Variants in TTC27 observed in about 807,000 individuals in gnomAD.
TTC27 encodes the protein tetratricopeptide repeat domain 27.
A neutral mutation model predicts 115.9 loss-of-function variants in TTC27; 79 were observed. The ratio of observed to expected loss-of-function variants is 0.68; its 90% CI spans 0.57 to 0.82. The LOEUF is 0.82. Ranked by LOEUF, TTC27 falls within the 40% of genes least tolerant of loss-of-function variation. The pLI is 0.00. For synonymous variants in TTC27, 401 were observed against 356.0 expected (o/e 1.13, Z -1.42); for missense variants, 1,054 against 993.1 (o/e 1.06, Z -0.82).
intron 5 of TTC27, among the ~76,000 whole-genome samples, chr2:32,663,657 T>C (rs995777112): frequency 5.3e-5 from 8 of 151,354 alleles, no homozygotes; most frequent in African/African-American, 1.5e-4. Flanking sequence ...TGTATGTATG[T>C]ATGTATGTAT....
At position 32,702,921 on chromosome 2, in the gene TTC27, G is replaced by GT. The variant is rs748765376; in HGVS notation, c.1233+2dup. 6 of 1,611,044 alleles carry GT rather than the reference G, an allele frequency of 3.7e-6. No homozygotes were observed. The highest frequency in any genetic ancestry group is 5.1e-6 in the Non-Finnish European group (6 of 1,177,344). On this transcript the variant is annotated splice_donor_variant, in intron 10 of 19. Transcript: ENST00000317907. LOFTEE classifies it high-confidence loss of function. ...GGAACGGGCAATGAGGCAGACACAGGTAAGAATTAATGTGGCAATTTGTGT... is the reference window on the plus strand; with the variant it reads ...GGAACGGGCAATGAGGCAGACACAGGTTAAGAATTAATGTGGCAATTTGTGT...
At chr2:32,653,311 AAC>A (rs1665198326) in intron 5 of TTC27, among the ~76,000 whole-genome samples, 2 of 152,108 alleles carry the variant, frequency 1.3e-5, no homozygotes, top group Non-Finnish European at 2.9e-5. Context: ...TGTTCAAAAA[AAC>A]AGTCTCCACG....
chr2:32,778,219 G>T (rs983035319), intron 14 of TTC27, among the ~76,000 whole-genome samples: 2 of 152,170 alleles, frequency 1.3e-5, no homozygotes, highest in African/African-American at 4.8e-5. Flanking sequence ...TTCACTGAAT[G>T]TATAGCAAAG....
intron 13 of TTC27, among the ~76,000 whole-genome samples, chr2:32,767,461 T>TTTG (rs1553317330): frequency 1.4e-5 from 2 of 140,408 alleles, no homozygotes; most frequent in Admixed American, 1.4e-4. Flanking sequence ...TTGTTTTTTT[T>TTTG]TTTTTTTTTG....
intron 5 of TTC27, among the ~76,000 whole-genome samples, chr2:32,662,871 G>C (rs1220263884): frequency 6.6e-6 from 1 of 151,918 alleles, no homozygotes; most frequent in African/African-American, 2.4e-5. Context: ...GTGATGTTAG[G>C]GTGTCGATTT....
intron 10 of TTC27, among the ~76,000 whole-genome samples, chr2:32,726,980 TCA>T (rs1369547093): frequency 1.3e-5 from 2 of 152,164 alleles, no homozygotes; most frequent in Non-Finnish European, 2.9e-5. Flanking sequence ...TGAGATTTAT[TCA>T]CAGTCACGAG....
intron 16 of TTC27, among the ~76,000 whole-genome samples, chr2:32,793,882 C>G (rs1186297324): frequency 6.6e-6 from 1 of 151,956 alleles, no homozygotes; most frequent in East Asian, 1.9e-4. Flanking sequence ...GAGACTAATA[C>G]ATTAAAAAAA....
At chr2:32,631,176 G>A (rs1373378376) in intron 2 of TTC27, among the ~76,000 whole-genome samples, 1 of 152,036 alleles carries the variant, frequency 6.6e-6, no homozygotes, top group African/African-American at 2.4e-5. Flanking sequence ...GGTGGCATGC[G>A]CCTGTAATCC....
At chr2:32,742,490 T>C (rs1262650172) in intron 12 of TTC27, among the ~76,000 whole-genome samples, 2 of 152,194 alleles carry the variant, frequency 1.3e-5, no homozygotes, top group Non-Finnish European at 2.9e-5. Flanking sequence ...GAAAAACAAT[T>C]AGTGAACATT....
At chr2:32,654,519 T>C (rs891058125) in intron 5 of TTC27, among the ~76,000 whole-genome samples, 1 of 152,068 alleles carries the variant, frequency 6.6e-6, no homozygotes, top group Non-Finnish European at 1.5e-5. Flanking sequence ...ATTAACAGGG[T>C]ATAGCATTTC....
intron 5 of TTC27, among the ~76,000 whole-genome samples, chr2:32,652,231 C>T (rs1665150763): frequency 6.6e-6 from 1 of 152,120 alleles, no homozygotes; most frequent in Non-Finnish European, 1.5e-5. Context: ...ATTAGCTGGG[C>T]ATGGTGGTGG....
Position 32,743,902 on chromosome 2 carries a change from G to T in TTC27, c.1452+7086G>T, listed in dbSNP as rs181523485. On this transcript the variant is annotated intron_variant, in intron 12 of 19. Coordinates refer to ENST00000317907, the MANE Select transcript of TTC27 (RefSeq NM_017735.5). ...TCTCCTGTCGTTCCCAAATGTGAAG[G>T]ATCTTTTATGTTTCTGTTTAGTATC... Among the ~76,000 whole-genome samples, 648 of 152,218 alleles carry T rather than the reference G, an allele frequency of 4.3e-3. 7 individuals carry two copies. Among genetic ancestry groups the T allele is most frequent in the African/African-American group, 0.015 (612 of 41,532 alleles).
At chr2:32,705,924 T>A (rs1667351080) in intron 10 of TTC27, among the ~76,000 whole-genome samples, 1 of 152,142 alleles carries the variant, frequency 6.6e-6, no homozygotes. Context: ...CATGATTATT[T>A]AATAATTTTT....
chr2:32,819,189 G>T (rs1306038610), intron 19 of TTC27, among the ~76,000 whole-genome samples: 1 of 151,986 alleles, frequency 6.6e-6, no homozygotes, highest in East Asian at 1.9e-4. Context: ...ACTACTTTAT[G>T]TAATCTATAC....
intron 4 of TTC27, among the ~76,000 whole-genome samples, chr2:32,645,152 T>C (rs1664807471): frequency 6.6e-6 from 1 of 152,212 alleles, no homozygotes; most frequent in Non-Finnish European, 1.5e-5. Context: ...TTATTTATGA[T>C]GATATTATTT....
At chr2:32,631,711 C>T (rs1664220384) in intron 2 of TTC27, among the ~76,000 whole-genome samples, 1 of 152,098 alleles carries the variant, frequency 6.6e-6, no homozygotes, top group African/African-American at 2.4e-5. Context: ...TGTGGAGGTT[C>T]TGAGGATGAA....
rs72858149 is a variant in TTC27, at chr2:32,656,084, A to G, written c.640+5851A>G. On this transcript the variant is annotated intron_variant, in intron 5 of 19. Transcript: ENST00000317907. Reference sequence around the variant, plus strand: ...ACTGGCTTGAGTTTTCTAAATGCCAATTTCATAATGTCTTTTTTTTTTAAT... The same window carrying G: ...ACTGGCTTGAGTTTTCTAAATGCCAGTTTCATAATGTCTTTTTTTTTTAAT... Among the ~76,000 whole-genome samples, 1,353 of 151,908 alleles carry G rather than the reference A, an allele frequency of 8.9e-3. 14 individuals are homozygous for G. The highest frequency in any genetic ancestry group is 0.031 in the African/African-American group (1,282 of 41,294).
chr2:32,690,607 A>G (rs547851522), intron 9 of TTC27, among the ~76,000 whole-genome samples: 2 of 152,310 alleles, frequency 1.3e-5, no homozygotes, highest in Admixed American at 6.5e-5. Flanking sequence ...GTGATATAGC[A>G]TAAGCAAAGG....
intron 10 of TTC27, among the ~76,000 whole-genome samples, chr2:32,703,683 C>G (rs1165814864): frequency 6.6e-6 from 1 of 152,090 alleles, no homozygotes; most frequent in Non-Finnish European, 1.5e-5. Flanking sequence ...AATGTTTATT[C>G]CTATCCAGTG....
Sources: allele counts gnomAD v4.1 joint callset (sites outside exome capture counted in the v4.1 genomes callset), GRCh38; gene constraint gnomAD v4.1.1; transcripts MANE v1.5; gene names NCBI Gene and HGNC (gene_info 2026-07-23, HGNC 2026-07-21).